The following WDR70 variants were observed in gnomAD, a reference collection of about 807,000 sequenced individuals.
WDR70 encodes the protein WD repeat-containing protein 70.
WDR70 carries 53 observed loss-of-function variants against 88.6 expected under a neutral mutation model. The ratio of observed to expected loss-of-function variants is 0.60; its 90% confidence interval spans 0.48 to 0.75. The LOEUF (loss-of-function observed/expected upper bound fraction) is 0.75, where lower values mean the gene tolerates loss of function less well. Among genes scored for constraint, WDR70 ranks in the 30% least tolerant of loss-of-function variants. WDR70 has a pLI of 0.00. For missense variants in WDR70, 610 were observed against 823.2 expected (o/e 0.74, Z 3.17); for synonymous variants, 280 against 270.0 (o/e 1.04, Z -0.36).
chr5:37,498,464 A>G (rs1740297400), intron 8 of WDR70, among the ~76,000 whole-genome samples: 1 of 152,196 alleles, frequency 6.6e-6, no homozygotes, highest in South Asian at 2.1e-4. Context: ...CTCTGGATAC[A>G]TGAGTTTAAA....
At chr5:37,595,043 G>C (rs112439952) in intron 9 of WDR70, among the ~76,000 whole-genome samples, 24 of 152,316 alleles carry the variant, frequency 1.6e-4, no homozygotes, top group African/African-American at 5.5e-4. Context: ...ATTTTGGCAT[G>C]AGACAGTGGG....
At chr5:37,747,612 A>G (rs1748670400) in intron 17 of WDR70, among the ~76,000 whole-genome samples, 1 of 152,194 alleles carries the variant, frequency 6.6e-6, no homozygotes, top group Non-Finnish European at 1.5e-5. Flanking sequence ...GCCCTCTCTC[A>G]CCACTCCTAT....
intron 10 of WDR70, among the ~76,000 whole-genome samples, chr5:37,609,702 T>C (rs1220450014): frequency 6.6e-6 from 1 of 152,204 alleles, no homozygotes; most frequent in African/African-American, 2.4e-5. Flanking sequence ...GCTGTTCCTT[T>C]TGGGAAAGTC....
intron 5 of WDR70, among the ~76,000 whole-genome samples, chr5:37,397,321 C>T (rs1253500071): frequency 5.3e-5 from 8 of 151,728 alleles, no homozygotes; most frequent in East Asian, 1.9e-4. Context: ...TCTACGTATG[C>T]GGCTGGGTGT....
At chr5:37,394,285 CAAA>C (rs199867827) in intron 4 of WDR70, among the ~76,000 whole-genome samples, 12 of 95,848 alleles carry the variant, frequency 1.3e-4, no homozygotes, top group East Asian at 1.1e-3. Flanking sequence ...GACTCTGTCT[CAAA>C]AAAAAAAAAA....
intron 5 of WDR70, among the ~76,000 whole-genome samples, 192 bp from the exon 6 acceptor site, chr5:37,437,730 C>T (rs1334284808): frequency 2.0e-4 from 30 of 152,042 alleles, no homozygotes. Flanking sequence ...AGTTTATCAT[C>T]AGAGACCCAT....
chr5:37,707,956 T>A (rs1313113838), intron 13 of WDR70, among the ~76,000 whole-genome samples: 572 of 18,342 alleles, frequency 0.031, 22 homozygotes, highest in East Asian at 0.056. Flanking sequence ...AAAATATATA[T>A]ATATATATAT....
intron 10 of WDR70, among the ~76,000 whole-genome samples, chr5:37,642,610 A>G (rs899349226): frequency 4.8e-4 from 73 of 152,276 alleles, no homozygotes; most frequent in African/African-American, 1.8e-3. Flanking sequence ...TTACATTCCC[A>G]CCAACAGTAT....
At chr5:37,584,863 C>A (rs537805323) in intron 9 of WDR70, among the ~76,000 whole-genome samples, 4 of 151,646 alleles carry the variant, frequency 2.6e-5, no homozygotes, top group African/African-American at 9.7e-5. Context: ...AATCTCTTTC[C>A]TCTGTTCCCA....
At chr5:37,379,658 C>G in intron 2 of WDR70, 104 bp downstream of exon 2, 1 of 1,236,812 alleles carries the variant, frequency 8.1e-7, no homozygotes, top group Admixed American at 1.9e-5. Flanking sequence ...TATTGTAGCT[C>G]GGGTGCATAC....
At chr5:37,655,106 A>G (rs1220447391) in intron 10 of WDR70, among the ~76,000 whole-genome samples, 2 of 151,986 alleles carry the variant, frequency 1.3e-5, no homozygotes, top group Admixed American at 1.3e-4. Flanking sequence ...TTCTGTATTT[A>G]TTCTTCCTTC....
intron 9 of WDR70, among the ~76,000 whole-genome samples, chr5:37,568,698 G>A (rs1278854591): frequency 6.6e-6 from 1 of 152,196 alleles, no homozygotes; most frequent in Non-Finnish European, 1.5e-5. Context: ...ATAGATGCCT[G>A]TGTAGGGTCA....
chr5:37,605,369 G>A (rs1335764287), intron 10 of WDR70, 131 bp downstream of exon 10: 1 of 927,564 alleles, frequency 1.1e-6, no homozygotes. Flanking sequence ...TTAAACTTCA[G>A]TGTTAGGTGA....
intron 7 of WDR70, among the ~76,000 whole-genome samples, chr5:37,461,046 T>A (rs1048578293): frequency 2.0e-5 from 3 of 151,254 alleles, no homozygotes; most frequent in Admixed American, 6.6e-5. Context: ...TCAGGATGCA[T>A]GTGTGTGTGC....
intron 5 of WDR70, among the ~76,000 whole-genome samples, chr5:37,402,250 A>C (rs979659631): frequency 3.3e-5 from 5 of 151,134 alleles, no homozygotes; most frequent in Non-Finnish European, 7.4e-5. Flanking sequence ...TTGTTACTGC[A>C]TGTGACATGA....
At chr5:37,455,068 C>A (rs1325898297) in intron 7 of WDR70, among the ~76,000 whole-genome samples, 4 of 152,072 alleles carry the variant, frequency 2.6e-5, no homozygotes, top group African/African-American at 9.7e-5. Context: ...TAATAGCTCA[C>A]CTAGTATTTA....
intron 9 of WDR70, among the ~76,000 whole-genome samples, chr5:37,533,467 C>CACT (rs896172065): frequency 7.3e-6 from 1 of 137,546 alleles, no homozygotes; most frequent in Non-Finnish European, 1.5e-5. Context: ...TCACCACCAC[C>CACT]ACCACCACCA....
intron 10 of WDR70, among the ~76,000 whole-genome samples, chr5:37,678,591 C>G (rs556505034): frequency 2.2e-4 from 33 of 151,982 alleles, no homozygotes; most frequent in African/African-American, 5.6e-4. Flanking sequence ...GAGTTTCTGC[C>G]GAGAGATCCG....
intron 3 of WDR70, among the ~76,000 whole-genome samples, chr5:37,385,977 T>C (rs1003578315): frequency 1.3e-4 from 20 of 151,254 alleles, no homozygotes; most frequent in Non-Finnish European, 1.5e-5. Flanking sequence ...CTAATTTTTT[T>C]TTTTTTTTTG....
Sources: allele counts gnomAD v4.1 joint callset (sites outside exome capture counted in the v4.1 genomes callset), GRCh38; gene constraint gnomAD v4.1.1; transcripts MANE v1.5; gene names NCBI Gene and HGNC (gene_info 2026-07-23, HGNC 2026-07-21).